VSIG10: variants seen among roughly 807,000 people sequenced by gnomAD.
VSIG10 encodes V-set and immunoglobulin domain containing 10.
A neutral mutation model predicts 58.7 loss-of-function variants in VSIG10; 48 were observed. That is an observed-to-expected ratio of 0.82 (90% confidence interval 0.65 to 1.04). The LOEUF is 1.04. Among genes scored for constraint, VSIG10 ranks in the 50% least tolerant of loss-of-function variants. The pLI is 0.00. For missense variants in VSIG10, 628 were observed against 670.0 expected (o/e 0.94, Z 0.69); for synonymous variants, 260 against 267.1 (o/e 0.97, Z 0.26).
At chr12:118,078,441 G>A (rs2032812742) in intron 4 of VSIG10, among the ~76,000 whole-genome samples, 2 of 152,108 alleles carry the variant, frequency 1.3e-5, no homozygotes, top group African/African-American at 2.4e-5. Flanking sequence ...TTACAGGTGT[G>A]AGCTACCACG....
rs778879844 is a variant in VSIG10 at position 118,095,671 on chromosome 12, G to A, written c.223C>T (p.Pro75Ser). The change falls in exon 2 of 9, where the codon CCA (proline) becomes TCA (serine). Residue 75 changes from proline (P) to serine (S), a missense_variant. Transcript: ENST00000359236. ...FLLSSNSSLR[P>S]AEPRFSLVDA... is the part of the protein sequence containing the mutation. Reference sequence around the variant, plus strand: ...ACTAGAGAGAAGCGAGGCTCAGCTGGCCGGAGGCTAGAGTTGGACGAGAGA... The same window carrying A: ...ACTAGAGAGAAGCGAGGCTCAGCTGACCGGAGGCTAGAGTTGGACGAGAGA... 3.7e-6 allele frequency: 6 copies of A among 1,613,938 alleles called. No homozygotes were observed. The highest frequency in any genetic ancestry group is 5.1e-6 in the Non-Finnish European group (6 of 1,179,878).
In VSIG10 at chr12:118,095,721, C is replaced by G. The variant is rs372273973; in HGVS notation, c.173G>C (p.Arg58Pro). The G allele has an allele frequency of 2.5e-6, 4 of 1,613,868 alleles. No homozygotes were observed. Among genetic ancestry groups the G allele is most frequent in the Admixed American group, 3.3e-5 (2 of 59,980 alleles). ...AAGGAAGACAGGCTCCGAGTTGTTC[C>G]GGTACCAGGTCACCTGGCCCCTCAG... is the stretch of plus-strand genomic sequence containing the variant. ...SGLRGQVTWY[R>P]NNSEPVFLLS... The change falls in exon 2 of 9, where the codon CGG becomes CCG. Residue 58 changes from arginine (R) to proline (P), a missense_variant. Coordinates refer to ENST00000359236, the MANE Select transcript of VSIG10 (RefSeq NM_019086.6).
chr12:118,103,675 G>A lies in VSIG10; in HGVS notation c.-4C>T. The A allele has an allele frequency of 4.7e-6, 7 of 1,488,854 alleles. No homozygotes were observed. Among genetic ancestry groups the A allele is most frequent in the Non-Finnish European group, 6.2e-6 (7 of 1,124,348 alleles). 92.2% of individuals were successfully genotyped at this position (1,488,854 alleles called of 1,614,324 possible). On this transcript the variant is annotated 5_prime_UTR_variant, in exon 1 of 9. Transcript: ENST00000359236. ...GCGCACTGCCGCCTGCGGCCATCTC[G>A]CCCCAGATCCCGGCTCAGGAAACGC...
Position 118,073,979 on chromosome 12 carries a change from A to G in VSIG10, c.939T>C (p.Leu313=). Residue 313 remains leucine (L), a synonymous_variant, in exon 5 of 9, where the codon CTT becomes CTC. Transcript: ENST00000359236. ...AGCAAGTCTTCATGGGCTCAGAGAG[A>G]AGGGAGGGACCCCCTGGTGATCAGA... The part of the protein sequence containing the change: ...SCMVQIRGPS[L]LSEPMKTCFT... The G allele has an allele frequency of 6.4e-7, 1 of 1,567,230 alleles. No homozygotes were observed. Among genetic ancestry groups the G allele is most frequent in the Non-Finnish European group, 8.7e-7 (1 of 1,154,814 alleles).
intron 2 of VSIG10, among the ~76,000 whole-genome samples, chr12:118,094,206 C>A (rs532661117): frequency 1.3e-5 from 2 of 150,540 alleles, no homozygotes; most frequent in South Asian, 4.2e-4. Context: ...GCTCCTGGAC[C>A]CAGGCAATCC....
At chr12:118,072,656 A>G (rs2032544686) in intron 5 of VSIG10, among the ~76,000 whole-genome samples, 1 of 152,090 alleles carries the variant, frequency 6.6e-6, no homozygotes, top group Non-Finnish European at 1.5e-5. Flanking sequence ...CCAGGAGTTC[A>G]AGACCAACCT....
intron 2 of VSIG10, among the ~76,000 whole-genome samples, chr12:118,090,252 C>T (rs2033254525): frequency 6.6e-6 from 1 of 152,128 alleles, no homozygotes; most frequent in African/African-American, 2.4e-5. Flanking sequence ...TGGTTGTGAG[C>T]CGAGATCATG....
chr12:118,067,833 A>G (rs2032308218), intron 8 of VSIG10, among the ~76,000 whole-genome samples: 1 of 152,004 alleles, frequency 6.6e-6, no homozygotes, highest in African/African-American at 2.4e-5. Flanking sequence ...CACAATGCCA[A>G]TATTGTGCCT....
chr12:118,098,925 G>GGT (rs1566180170), intron 1 of VSIG10, among the ~76,000 whole-genome samples: 1 of 9,364 alleles, frequency 1.1e-4, no homozygotes, highest in Admixed American at 1.8e-3. Context: ...GATGGGGGTT[G>GGT]GGGGGGGTCT....
chr12:118,068,485 T>C lies in VSIG10; in HGVS notation c.1459A>G (p.Arg487Gly). 6.2e-7 allele frequency: 1 copy of C among 1,613,644 alleles called. No homozygotes were observed. The highest frequency in any genetic ancestry group is 8.5e-7 in the Non-Finnish European group (1 of 1,179,856). The change falls in exon 8 of 9, where the codon AGA becomes GGA. Residue 487 changes from arginine to glycine, a missense_variant. Arg to Gly is a moderately radical substitution (Grantham distance 125). Transcript: ENST00000359236. ...AVGEQEGARE[R>G]EELPKEIPKQ... ...GGTATTTCTTTTGGCAACTCCTCTCTCTCACGTGCTCCCTCCTGTTCCCCT... is the reference window on the plus strand; with the variant it reads ...GGTATTTCTTTTGGCAACTCCTCTCCCTCACGTGCTCCCTCCTGTTCCCCT...
chr12:118,101,221 T>C (rs866173207), intron 1 of VSIG10, among the ~76,000 whole-genome samples: 2 of 152,196 alleles, frequency 1.3e-5, no homozygotes, highest in African/African-American at 4.8e-5. Flanking sequence ...GAAGATGAGA[T>C]TGAGTCCTGG....
At chr12:118,068,740 T>C (rs2032361581) in intron 7 of VSIG10, 143 bp from the exon 8 acceptor site, 14 of 1,082,596 alleles carry the variant, frequency 1.3e-5, no homozygotes, top group Middle Eastern at 3.1e-4. Flanking sequence ...GAGGTGATGG[T>C]GTGGTAACCG....
chr12:118,078,422 G>C (rs1032707198), intron 4 of VSIG10, among the ~76,000 whole-genome samples: 5 of 152,056 alleles, frequency 3.3e-5, no homozygotes, highest in African/African-American at 1.2e-4. Context: ...GCCTCCCAAA[G>C]TGCTGAGATT....
intron 7 of VSIG10, among the ~76,000 whole-genome samples, chr12:118,070,184 G>C (rs1199876423): frequency 8.6e-5 from 13 of 152,044 alleles, no homozygotes; most frequent in Non-Finnish European, 1.9e-4. Context: ...GTTCCGTTTG[G>C]TTCCTTCGCC....
At chr12:118,077,948 T>C (rs1316237503) in intron 4 of VSIG10, among the ~76,000 whole-genome samples, 1 of 152,098 alleles carries the variant, frequency 6.6e-6, no homozygotes, top group Non-Finnish European at 1.5e-5. Context: ...CCCACAGAAA[T>C]CATCAGATAA....
chr12:118,081,961 G>A (rs1052486482), intron 3 of VSIG10, among the ~76,000 whole-genome samples, 166 bp downstream of exon 3: 1 of 149,828 alleles, frequency 6.7e-6, no homozygotes, highest in Non-Finnish European at 1.5e-5. Context: ...AGATTGCGGC[G>A]AGGTGAGATC....
chr12:118,068,701 T>C (rs2032360169), intron 7 of VSIG10, 104 bp from the exon 8 acceptor site: 5 of 1,342,184 alleles, frequency 3.7e-6, no homozygotes, highest in Non-Finnish European at 3.9e-6. Context: ...CCATTAGTAA[T>C]ATGGAAAATT....
chr12:118,080,505 T>C (rs904252681), intron 3 of VSIG10, among the ~76,000 whole-genome samples: 6 of 152,048 alleles, frequency 3.9e-5, no homozygotes, highest in African/African-American at 1.4e-4. Flanking sequence ...TATTTGTGTA[T>C]GGGAGTGTTT....
chr12:118,103,465 T>C (rs1209302742), intron 1 of VSIG10, 128 bp downstream of exon 1: 3 of 973,476 alleles, frequency 3.1e-6, no homozygotes, highest in East Asian at 3.3e-5. Context: ...AAGACCCTCC[T>C]GGGGCAGCTT....
Sources: gnomAD v4.1 joint callset for allele counts (sites outside exome capture counted in the v4.1 genomes callset) on GRCh38, gnomAD v4.1.1 for gene constraint, MANE v1.5 for transcripts, NCBI Gene and HGNC (gene_info 2026-07-23, HGNC 2026-07-21) for gene names.